OLFM3: variants seen among roughly 807,000 people sequenced by gnomAD.
OLFM3 encodes the protein olfactomedin 3.
Under a neutral mutation model 48.6 loss-of-function variants are expected in OLFM3, and 20 were observed. That is an observed-to-expected ratio of 0.41 (90% CI 0.29 to 0.60). The LOEUF (loss-of-function observed/expected upper bound fraction) is 0.60. Ranked by LOEUF, OLFM3 falls within the 20% of genes least tolerant of loss-of-function variation. The pLI is 0.28. For missense variants in OLFM3, 437 were observed against 544.3 expected (o/e 0.80, Z 1.96); for synonymous variants, 222 against 198.1 (o/e 1.12, Z -1.01).
At chr1:101,972,812 T>G (rs193030610) in intron 1 of OLFM3, among the ~76,000 whole-genome samples, 51 of 152,332 alleles carry the variant, frequency 3.3e-4, no homozygotes, top group African/African-American at 1.2e-3. Context: ...CTCTCACTTG[T>G]GGAGTAAGCT....
Position 101,907,124 on chromosome 1 carries a change from T to C in OLFM3, c.70-70099A>G, listed in dbSNP as rs143139146. ...ATGTGCTCTTAGACCAGGTTTCCAT[T>C]ACAATAGCAATGAAAGATTTTAGCA... is the stretch of plus-strand genomic sequence containing the variant. On this transcript the variant is annotated intron_variant, in intron 1 of 5. Coordinates refer to ENST00000370103, the MANE Select transcript of OLFM3 (RefSeq NM_058170.4). Among the ~76,000 whole-genome samples the C allele has an allele frequency of 3.0e-4, 46 of 152,296 alleles. No individual in the cohort carries two copies. The East Asian group carries it at 8.9e-3, about 29-fold the overall frequency.
At chr1:101,985,691 C>T (rs1661215194) in intron 1 of OLFM3, among the ~76,000 whole-genome samples, 1 of 152,056 alleles carries the variant, frequency 6.6e-6, no homozygotes, top group South Asian at 2.1e-4. Flanking sequence ...ACTCATTTAT[C>T]TTTCAATTAA....
At chr1:101,970,264 G>A (rs763941500) in intron 1 of OLFM3, among the ~76,000 whole-genome samples, 8 of 152,198 alleles carry the variant, frequency 5.3e-5, no homozygotes, top group African/African-American at 1.7e-4. Context: ...TGATCCACCC[G>A]CCTTGGCCTC....
At chr1:101,968,381 G>T (rs1660680944) in intron 1 of OLFM3, among the ~76,000 whole-genome samples, 1 of 152,096 alleles carries the variant, frequency 6.6e-6, no homozygotes, top group Non-Finnish European at 1.5e-5. Context: ...ATTTTCCAAA[G>T]TGAGCTTAGG....
intron 1 of OLFM3, among the ~76,000 whole-genome samples, chr1:101,890,323 C>T (rs375020283): frequency 4.0e-5 from 6 of 151,088 alleles, no homozygotes; most frequent in Admixed American, 2.0e-4. Flanking sequence ...AGTAATAATA[C>T]GAACAACCTT....
intron 1 of OLFM3, chr1:101,846,912 C>A (rs751476626): frequency 1.2e-6 from 2 of 1,612,716 alleles, no homozygotes; most frequent in East Asian, 2.2e-5. Flanking sequence ...TTGGGACATC[C>A]AGTTTGAGAT....
chr1:101,948,022 A>C (rs1468614592), intron 1 of OLFM3, among the ~76,000 whole-genome samples: 1 of 152,200 alleles, frequency 6.6e-6, no homozygotes, highest in African/African-American at 2.4e-5. Context: ...AAATTATCAC[A>C]ATAGATCTGA....
chr1:101,873,008 A>C (rs754883778), intron 1 of OLFM3, among the ~76,000 whole-genome samples: 37 of 152,000 alleles, frequency 2.4e-4, no homozygotes, highest in Non-Finnish European at 4.6e-4. Flanking sequence ...TTTATGTTTC[A>C]GTGAATACTT....
At chr1:101,895,800 C>G (rs1047839549) in intron 1 of OLFM3, among the ~76,000 whole-genome samples, 10 of 151,278 alleles carry the variant, frequency 6.6e-5, no homozygotes, top group African/African-American at 2.4e-4. Context: ...TTATGTTACA[C>G]TGCAAATGAA....
intron 1 of OLFM3, among the ~76,000 whole-genome samples, chr1:101,964,664 A>G (rs1660560440): frequency 6.6e-6 from 1 of 152,220 alleles, no homozygotes; most frequent in South Asian, 2.1e-4. Context: ...TTCACCTCAC[A>G]ATCATGAAGA....
Position 101,818,519 on chromosome 1 carries a change from G to A in OLFM3, c.592+6507C>T, listed in dbSNP as rs1364719860. On this transcript the variant is annotated intron_variant, in intron 4 of 5. Coordinates refer to ENST00000370103, the MANE Select transcript of OLFM3 (RefSeq NM_058170.4). ...ATTTGAAGATTCAATTTAATTTAAAGGAATAGTCTTATAAATTTCCTCCAT... is the reference window on the plus strand; with the variant it reads ...ATTTGAAGATTCAATTTAATTTAAAAGAATAGTCTTATAAATTTCCTCCAT... Among the ~76,000 whole-genome samples the A allele has an allele frequency of 2.0e-5, 3 of 152,168 alleles. No homozygotes were observed. The East Asian group carries it at 5.8e-4, about 29-fold the overall frequency.
chr1:101,987,813 T>TG (rs777530017), intron 1 of OLFM3, among the ~76,000 whole-genome samples: 1 of 152,112 alleles, frequency 6.6e-6, no homozygotes, highest in African/African-American at 2.4e-5. Context: ...GTCCTCCCTT[T>TG]GGGGTTATAT....
At chr1:101,983,903 C>T (rs1018977928) in intron 1 of OLFM3, among the ~76,000 whole-genome samples, 2 of 152,132 alleles carry the variant, frequency 1.3e-5, no homozygotes, top group Non-Finnish European at 1.5e-5. Flanking sequence ...TGGTAGCTCA[C>T]GTTTTGACTG....
At position 101,821,994 on chromosome 1, in the gene OLFM3, A is replaced by T. The variant is rs528296712; in HGVS notation, c.592+3032T>A. ...ATTAAAAAGATCTGTGATGTTACAG[A>T]TATTAAGGATCAAGTCCTAAGCATA... is the stretch of plus-strand genomic sequence containing the variant. On this transcript the variant is annotated intron_variant, in intron 4 of 5. Coordinates refer to ENST00000370103, the MANE Select transcript of OLFM3 (RefSeq NM_058170.4). Among the ~76,000 whole-genome samples, 16 of 152,280 alleles carry T rather than the reference A, an allele frequency of 1.1e-4. No individual in the cohort carries two copies. In the East Asian group the frequency reaches 2.5e-3, roughly 24 times the overall value.
At chr1:101,898,144 T>G (rs143052360) in intron 1 of OLFM3, among the ~76,000 whole-genome samples, 1 of 152,228 alleles carries the variant, frequency 6.6e-6, no homozygotes, top group African/African-American at 2.4e-5. Flanking sequence ...TGAAAAAAAG[T>G]GTTTTGGAGA....
chr1:101,881,764 C>A (rs1471173193), intron 1 of OLFM3, among the ~76,000 whole-genome samples: 3 of 151,546 alleles, frequency 2.0e-5, no homozygotes, highest in African/African-American at 4.8e-5. Context: ...CTGTCATCCT[C>A]CTGAGTTATT....
intron 4 of OLFM3, chr1:101,812,697 C>T (rs754196882): frequency 6.1e-5 from 60 of 986,820 alleles, no homozygotes; most frequent in Non-Finnish European, 7.0e-5. Flanking sequence ...ACTGCTGAGT[C>T]TTAGGTTGTT....
intron 1 of OLFM3, among the ~76,000 whole-genome samples, chr1:101,900,125 C>G (rs1362165541): frequency 6.6e-6 from 1 of 152,120 alleles, no homozygotes; most frequent in Non-Finnish European, 1.5e-5. Context: ...TAATAGTACT[C>G]ATGAGTTTAT....
At chr1:101,846,946 C>A (rs1278949961) in intron 1 of OLFM3, 6 of 1,612,234 alleles carry the variant, frequency 3.7e-6, no homozygotes, top group Non-Finnish European at 3.4e-6. Flanking sequence ...CTAAGCACAG[C>A]GCCAAGCTTC....
Sources: allele counts gnomAD v4.1 joint callset (sites outside exome capture counted in the v4.1 genomes callset), GRCh38; gene constraint gnomAD v4.1.1; transcripts MANE v1.5; gene names NCBI Gene and HGNC (gene_info 2026-07-23, HGNC 2026-07-21).